Variants in GPATCH1 observed in about 807,000 individuals in gnomAD.
GPATCH1 encodes the protein G-patch domain containing 1, also known as G patch domain-containing protein 1.
GPATCH1 carries 73 observed loss-of-function variants against 114.9 expected under a neutral mutation model. The observed-to-expected ratio is 0.64, with a 90% CI of 0.53 to 0.77. GPATCH1 has a LOEUF of 0.77. GPATCH1 is among the 30% of genes least tolerant of loss of function. The probability of loss-of-function intolerance (pLI) is 0.00; values close to 1 mark genes in which losing one functional copy is unlikely to be tolerated. For synonymous variants in GPATCH1, 391 were observed against 428.4 expected, an observed-to-expected ratio of 0.91 and a Z score of 1.08; for missense variants, 1,058 against 1,144.3, an observed-to-expected ratio of 0.92 and a Z score of 1.09.
At chr19:33,087,837 C>T (rs1599849616) in intron 1 of GPATCH1, among the ~76,000 whole-genome samples, 1 of 151,990 alleles carries the variant, frequency 6.6e-6, no homozygotes, top group Admixed American at 6.6e-5. Flanking sequence ...ACGTCTGCCA[C>T]CACGCCCGGT....
chr19:33,094,405 G>A (rs1016344907), intron 5 of GPATCH1, 136 bp downstream of exon 5: 2 of 595,186 alleles, frequency 3.4e-6, no homozygotes, highest in Non-Finnish European at 6.0e-6. Context: ...TGACCTCCCG[G>A]GCTCAAGTGA....
chr19:33,108,040 T>G (rs1972806678), intron 10 of GPATCH1, among the ~76,000 whole-genome samples: 1 of 151,852 alleles, frequency 6.6e-6, no homozygotes, highest in Non-Finnish European at 1.5e-5. Flanking sequence ...CTCTTTTCGG[T>G]CCTCCCGCAC....
At chr19:33,118,948 G>A in intron 16 of GPATCH1, 62 bp from the exon 17 acceptor site, 1 of 968,660 alleles carries the variant, frequency 1.0e-6, no homozygotes, top group Non-Finnish European at 1.6e-6. Context: ...AGACATGAAT[G>A]AAAGACTCAG....
chr19:33,100,769 T>C (rs922903755), intron 8 of GPATCH1, among the ~76,000 whole-genome samples: 1 of 151,044 alleles, frequency 6.6e-6, no homozygotes, highest in Admixed American at 6.6e-5. Context: ...TTGATGGTCA[T>C]GTAGAAGGGG....
Position 33,128,493 on chromosome 19 carries a change from C to T in GPATCH1, c.2766-1637C>T, listed in dbSNP as rs895756583. Among the ~76,000 whole-genome samples, 5 of 152,208 alleles carry T rather than the reference C, an allele frequency of 3.3e-5. No homozygotes were observed. The East Asian group carries it at 5.8e-4, about 18-fold the overall frequency. ...GCCAGGATGGTCTCAATCTCCTGAC[C>T]TGGTGATCCGCCTGCCTTGGCCTCC... On this transcript the variant is annotated intron_variant, in intron 19 of 19. Transcript: ENST00000170564.
intron 6 of GPATCH1, 122 bp downstream of exon 6, chr19:33,095,942 T>A (rs1016536287): frequency 1.2e-6 from 1 of 811,226 alleles, no homozygotes; most frequent in African/African-American, 1.7e-5. Context: ...TAAATACTCA[T>A]ACCCTAAAGC....
At chr19:33,096,558 A>T in intron 7 of GPATCH1, 112 bp downstream of exon 7, 1 of 825,824 alleles carries the variant, frequency 1.2e-6, no homozygotes, top group Non-Finnish European at 1.9e-6. Flanking sequence ...CCTAATCCTC[A>T]AGTGGAATCA....
intron 12 of GPATCH1, 124 bp from the exon 13 acceptor site, chr19:33,112,362 G>A: frequency 9.9e-7 from 1 of 1,015,226 alleles, no homozygotes; most frequent in Non-Finnish European, 1.5e-6. Context: ...ATGTACTGGA[G>A]CATAAATGTT....
intron 11 of GPATCH1, among the ~76,000 whole-genome samples, chr19:33,111,255 A>G (rs1972849015): frequency 6.6e-6 from 1 of 151,692 alleles, no homozygotes; most frequent in Non-Finnish European, 1.5e-5. Flanking sequence ...ATGGTGGCGG[A>G]CGCCTGTAGT....
At position 33,107,808 on chromosome 19, in the gene GPATCH1, G is replaced by C. The variant is rs376728156; in HGVS notation, c.1285+909G>C. Among the ~76,000 whole-genome samples the C allele has an allele frequency of 6.5e-4, 99 of 152,042 alleles. 2 individuals carry two copies. The South Asian group carries it at 0.019, about 29-fold the overall frequency. On this transcript the variant is annotated intron_variant, in intron 10 of 19. Transcript: ENST00000170564. ...CACCATGATCCACTGCTCGGACCAG[G>C]ATGTAGGAGGCCTAATTCTTTTTTT...
intron 5 of GPATCH1, among the ~76,000 whole-genome samples, chr19:33,094,818 A>C (rs1972637418): frequency 6.6e-6 from 1 of 152,144 alleles, no homozygotes; most frequent in African/African-American, 2.4e-5. Context: ...GCTGTGGGGC[A>C]GTATTGGTTA....
intron 18 of GPATCH1, among the ~76,000 whole-genome samples, chr19:33,125,616 C>G (rs1973032712): frequency 6.6e-6 from 1 of 151,922 alleles, no homozygotes; most frequent in South Asian, 2.1e-4. Context: ...GACCTCCTGA[C>G]CTCCGGTGAT....
At chr19:33,112,353 T>C in intron 12 of GPATCH1, 133 bp from the exon 13 acceptor site, 10 of 911,454 alleles carry the variant, frequency 1.1e-5, no homozygotes, top group South Asian at 1.6e-5. Flanking sequence ...TAGTTTCCAA[T>C]GTACTGGAGC....
chr19:33,107,661 T>C (rs1248951620), intron 10 of GPATCH1, among the ~76,000 whole-genome samples: 1 of 151,864 alleles, frequency 6.6e-6, no homozygotes, highest in African/African-American at 2.4e-5. Context: ...GGGGCTCGGG[T>C]CTCACTGCCA....
chr19:33,127,714 G>A (rs1973059085), intron 19 of GPATCH1, among the ~76,000 whole-genome samples: 1 of 151,740 alleles, frequency 6.6e-6, no homozygotes, highest in African/African-American at 2.4e-5. Flanking sequence ...CATACACATT[G>A]TTTGTTTCTT....
At position 33,091,521 on chromosome 19, in the gene GPATCH1, G is replaced by A. The variant is rs566885479; in HGVS notation, c.294+656G>A. On this transcript the variant is annotated intron_variant, in intron 3 of 19. Coordinates refer to ENST00000170564, the MANE Select transcript of GPATCH1 (RefSeq NM_018025.3). ...CACAGTAACTCTCAGGCACACTGCA[G>A]TAAAGAACTGTGAGTGACTGAACTA... Among the ~76,000 whole-genome samples, 45 of 151,706 alleles carry A rather than the reference G, an allele frequency of 3.0e-4. No individual in the cohort carries two copies. In the East Asian group the frequency reaches 6.0e-3, roughly 20 times the overall value.
chr19:33,123,370 A>C (rs1490018552), intron 17 of GPATCH1, among the ~76,000 whole-genome samples: 1 of 151,902 alleles, frequency 6.6e-6, no homozygotes, highest in Non-Finnish European at 1.5e-5. Flanking sequence ...ATTGCACTCC[A>C]GCCTGGGCAA....
Position 33,113,853 on chromosome 19 carries a change from C to T in GPATCH1, c.1979C>T (p.Pro660Leu), listed in dbSNP as rs1417391058. Residue 660 changes from proline (P) to leucine (L), a missense_variant, in exon 14 of 20, where the codon CCC becomes CTC. Pro to Leu is a moderately conservative substitution (Grantham distance 98, BLOSUM62 -3). Coordinates refer to ENST00000170564, the MANE Select transcript of GPATCH1 (RefSeq NM_018025.3). ...ACGCTCCCAGAGACAGCTTCCTTGC[C>T]CACCACTCAAGCATCAAGTGAAAAA... ...FLTLPETASL[P>L]TTQASSEKVS... The T allele has an allele frequency of 6.2e-7, 1 of 1,614,042 alleles. No individual in the cohort carries two copies. Among genetic ancestry groups the T allele is most frequent in the South Asian group, 1.1e-5 (1 of 91,066 alleles).
chr19:33,093,376 G>A lies in GPATCH1; in HGVS notation c.312G>A (p.Gly104=). 1 of 1,612,066 alleles carries A rather than the reference G, an allele frequency of 6.2e-7. No homozygotes were observed. Among genetic ancestry groups the A allele is most frequent in the Non-Finnish European group, 8.5e-7 (1 of 1,178,554 alleles). ...TTTTGAAGGATCTTAGTGAATTTGG[G>A]ATAGCACCTAAAGCGATTGTCACCA... The part of the protein sequence containing the change: ...FMDEEDLSEF[G]IAPKAIVTTD... The change falls in exon 4 of 20, where the codon GGG becomes GGA. Residue 104 remains glycine (G), a synonymous_variant. Transcript: ENST00000170564.
Sources: allele counts gnomAD v4.1 joint callset (sites outside exome capture counted in the v4.1 genomes callset), GRCh38; gene constraint gnomAD v4.1.1; transcripts MANE v1.5; gene names NCBI Gene and HGNC (gene_info 2026-07-23, HGNC 2026-07-21).